ADGRG1: variants seen among roughly 807,000 people sequenced by gnomAD.
ADGRG1 encodes the protein 7-transmembrane protein with no EGF-like N-terminal domains-1.
ADGRG1 carries 53 observed loss-of-function variants against 73.5 expected under a neutral mutation model. That is an observed-to-expected ratio of 0.72 (90% CI 0.58 to 0.91). ADGRG1 has a LOEUF of 0.91. Among genes scored for constraint, ADGRG1 ranks in the 40% least tolerant of loss-of-function variants. The probability of loss-of-function intolerance (pLI) is 0.00; values close to 1 mark genes in which losing one functional copy is unlikely to be tolerated. For synonymous variants in ADGRG1, 394 were observed against 374.4 expected, an observed-to-expected ratio of 1.05 and a Z score of -0.60; for missense variants, 795 against 871.8, an observed-to-expected ratio of 0.91 and a Z score of 1.11.
intron 13 of ADGRG1, 33 bp from the exon 14 acceptor site, chr16:57,663,419 C>G (rs778206927): frequency 9.3e-6 from 15 of 1,612,538 alleles, no homozygotes; most frequent in African/African-American, 2.7e-5. Context: ...GGGGCTCCCC[C>G]ACCTGCTGAC....
At chr16:57,647,159 C>T (rs560631286) in intron 1 of ADGRG1, 12 of 985,252 alleles carry the variant, frequency 1.2e-5, no homozygotes, top group East Asian at 1.1e-4. Flanking sequence ...AGTGGACAAG[C>T]GTGACAGTGT....
At chr16:57,641,565 C>CTTTTTTTTT (rs35725310) in intron 1 of ADGRG1, 1 of 695,834 alleles carries the variant, frequency 1.4e-6, no homozygotes, top group African/African-American at 2.2e-5. Flanking sequence ...TCTAAAAGTC[C>CTTTTTTTTT]TTTTTTTTTT....
rs190155639 is a variant in ADGRG1 at position 57,659,926 on chromosome 16, G to A, written c.1555+245G>A. ...TCACTCCATTGCAAAGGGGATTTAC[G>A]AGCAGGGCCACCGTGTGTGAATGTG... On this transcript the variant is annotated intron_variant, in intron 11 of 13. Transcript: ENST00000562631. 6.6e-5 allele frequency among the ~76,000 whole-genome samples: 10 copies of A among 152,142 alleles called. No homozygotes were observed. The South Asian group carries it at 1.0e-3, about 16-fold the overall frequency.
At position 57,659,395 on chromosome 16, in the gene ADGRG1, G is replaced by T. The variant is rs116916635; in HGVS notation, c.1287-18G>T. 6.2e-7 allele frequency: 1 copy of T among 1,613,254 alleles called. No individual in the cohort carries two copies. Among genetic ancestry groups the T allele is most frequent in the Non-Finnish European group, 8.5e-7 (1 of 1,179,852 alleles). ...CTACCTTCCCACACTGGCCCACCAG[G>T]GTGCCCCTGCCGTGCAGGAGGAAAC... On this transcript the variant is annotated intron_variant, in intron 10 of 13. Transcript: ENST00000562631.
intron 1 of ADGRG1, chr16:57,646,271 A>G: frequency 1.8e-6 from 1 of 554,458 alleles, no homozygotes; most frequent in South Asian, 7.8e-5. Flanking sequence ...GGAGAAAGCG[A>G]GCCGTGGGTC....
At position 57,644,278 on chromosome 16, in the gene ADGRG1, T is replaced by C. The variant is rs760296464; in HGVS notation, c.-35-5975T>C. Reference sequence around the variant, plus strand: ...CACAGTCATGCACGGGCACACACACTCATCACACACTCATGCTCAGGCACA... The same window carrying C: ...CACAGTCATGCACGGGCACACACACCCATCACACACTCATGCTCAGGCACA... On this transcript the variant is annotated intron_variant, in intron 1 of 13. Coordinates refer to ENST00000562631, the MANE Select transcript of ADGRG1 (RefSeq NM_201525.4). 3.6e-5 allele frequency: 27 copies of C among 748,720 alleles called. No homozygotes were observed. In the South Asian group the frequency reaches 8.5e-4, roughly 24 times the overall value. 46.4% of individuals were successfully genotyped at this position (748,720 alleles called of 1,614,324 possible).
rs563414939 is a variant in ADGRG1 at position 57,644,752 on chromosome 16, G to A, written c.-35-5501G>A. 3.3e-3 allele frequency among the ~76,000 whole-genome samples: 413 copies of A among 124,234 alleles called. 2 individuals carry two copies. Among genetic ancestry groups the A allele is most frequent in the African/African-American group, 0.012 (366 of 31,452 alleles). The allele number at this position is 124,234 out of a possible 152,430, so 81.5% of individuals were successfully genotyped here. A position where few individuals can be genotyped will look rare whatever the true frequency, so the allele number is the denominator to read the frequency against. ...GCACACACTGATCACACGTATGCACGGGCACACACCCATGCACACACACAT... is the reference window on the plus strand; with the variant it reads ...GCACACACTGATCACACGTATGCACAGGCACACACCCATGCACACACACAT... On this transcript the variant is annotated intron_variant, in intron 1 of 13. Coordinates refer to ENST00000562631, the MANE Select transcript of ADGRG1 (RefSeq NM_201525.4).
chr16:57,663,889 C>G lies in ADGRG1; in HGVS notation c.*307C>G. The stretch of plus-strand genomic sequence containing the variant: ...GAGGCCTGGTCTCTCCTTACAACCC[C>G]TGGGCCCAGCCCTCATTGCTGGGGG... On this transcript the variant is annotated 3_prime_UTR_variant, in exon 14 of 14. Transcript: ENST00000562631. The G allele has an allele frequency of 4.2e-6, 2 of 473,982 alleles. No homozygotes were observed. The highest frequency in any genetic ancestry group is 2.1e-5 in the South Asian group (1 of 47,074). 29.4% of individuals were successfully genotyped at this position (473,982 alleles called of 1,614,324 possible). A position where few individuals can be genotyped will look rare whatever the true frequency, so the allele number is the denominator to read the frequency against.
chr16:57,633,866 C>T (rs778151982), intron 1 of ADGRG1, among the ~76,000 whole-genome samples: 9 of 152,248 alleles, frequency 5.9e-5, no homozygotes, highest in Non-Finnish European at 1.0e-4. Context: ...ACAGCTTCCC[C>T]TTTGGACATG....
chr16:57,646,457 G>A lies in ADGRG1; in HGVS notation c.-35-3796G>A, dbSNP rs533611232. The A allele has an allele frequency of 2.2e-5, 22 of 985,584 alleles. No individual in the cohort carries two copies. The Admixed American group carries it at 6.1e-4, about 27-fold the overall frequency. 61.1% of individuals were successfully genotyped at this position (985,584 alleles called of 1,614,324 possible). A position where few individuals can be genotyped will look rare whatever the true frequency, so the allele number is the denominator to read the frequency against. ...CCATGATGTGGCCCCCATTGTGTCAGACTGGACTGGCCTGTTCTGTCCTGT... is the reference window on the plus strand; with the variant it reads ...CCATGATGTGGCCCCCATTGTGTCAAACTGGACTGGCCTGTTCTGTCCTGT... On this transcript the variant is annotated intron_variant, in intron 1 of 13. Transcript: ENST00000562631.
At chr16:57,627,075 C>T (rs1596991425), upstream of ADGRG1, 2 of 984,202 alleles carry the variant, frequency 2.0e-6, no homozygotes, top group East Asian at 1.1e-4. Context: ...AGCACAGTGC[C>T]GTTTTCTGGA....
At chr16:57,639,411 T>A in intron 1 of ADGRG1, 1 of 985,466 alleles carries the variant, frequency 1.0e-6, no homozygotes. Flanking sequence ...GGGGCTGCTG[T>A]CACCTGCGCC....
At chr16:57,634,466 C>T in intron 1 of ADGRG1, 1 of 985,388 alleles carries the variant, frequency 1.0e-6, no homozygotes, top group Non-Finnish European at 1.2e-6. Flanking sequence ...GGGGCATACA[C>T]TTCACTGCCT....
At chr16:57,654,179 G>T (rs112087167) in intron 5 of ADGRG1, 46 bp downstream of exon 5, 3 of 1,586,010 alleles carry the variant, frequency 1.9e-6, no homozygotes, top group African/African-American at 1.3e-5. Flanking sequence ...TTGGGCCGGG[G>T]CCAGATGGAG....
intron 10 of ADGRG1, 87 bp from the exon 11 acceptor site, chr16:57,659,326 G>A (rs1597626834): frequency 6.2e-7 from 1 of 1,604,560 alleles, no homozygotes; most frequent in Non-Finnish European, 8.5e-7. Flanking sequence ...GTGGGGGGCA[G>A]TCTGGGAAGG....
intron 1 of ADGRG1, chr16:57,634,065 G>T (rs774029802): frequency 4.1e-6 from 4 of 985,400 alleles, no homozygotes; most frequent in Non-Finnish European, 4.8e-6. Context: ...CATGGCCCTA[G>T]CCCTGGAGAG....
At chr16:57,634,286 A>T (rs1045443435) in intron 1 of ADGRG1, 1 of 985,186 alleles carries the variant, frequency 1.0e-6, no homozygotes, top group African/African-American at 1.7e-5. Flanking sequence ...AACTGCCCAG[A>T]CCCACCTGCT....
At position 57,659,377 on chromosome 16, in the gene ADGRG1, C is replaced by A. The variant is rs376422631; in HGVS notation, c.1287-36C>A. The stretch of plus-strand genomic sequence containing the variant: ...GTGGGCACACTCCCCTCTCTACCTT[C>A]CCACACTGGCCCACCAGGGTGCCCC... On this transcript the variant is annotated intron_variant, in intron 10 of 13. Transcript: ENST00000562631. 195 of 1,612,634 alleles carry A rather than the reference C, an allele frequency of 1.2e-4. No homozygotes were observed. The highest frequency in any genetic ancestry group is 1.6e-4 in the Non-Finnish European group (191 of 1,179,812).
At position 57,659,689 on chromosome 16, in the gene ADGRG1, G is replaced by A; in HGVS notation, c.1555+8G>A. 6.2e-7 allele frequency: 1 copy of A among 1,613,406 alleles called. No homozygotes were observed. The highest frequency in any genetic ancestry group is 8.5e-7 in the Non-Finnish European group (1 of 1,179,848). On this transcript the variant is annotated splice_region_variant and intron_variant, in intron 11 of 13. Coordinates refer to ENST00000562631, the MANE Select transcript of ADGRG1 (RefSeq NM_201525.4). Reference sequence around the variant, plus strand: ...TGAGCGCCATGGGCTGGGGTAAGTGGTTGGGCGGGGGGTGCCTCAGACCTG... The same window carrying A: ...TGAGCGCCATGGGCTGGGGTAAGTGATTGGGCGGGGGGTGCCTCAGACCTG...
Sources: allele counts gnomAD v4.1 joint callset (sites outside exome capture counted in the v4.1 genomes callset), GRCh38; gene constraint gnomAD v4.1.1; transcripts MANE v1.5; gene names NCBI Gene and HGNC (gene_info 2026-07-23, HGNC 2026-07-21).